The following SLC17A1 variants were observed in gnomAD, a reference collection of about 807,000 sequenced individuals.
SLC17A1 encodes solute carrier family 17 member 1, also known as sodium-dependent phosphate transport protein 1.
A neutral mutation model predicts 53.5 loss-of-function variants in SLC17A1; 51 were observed. That is an observed-to-expected ratio of 0.95 (90% CI 0.76 to 1.20). The LOEUF is 1.20. Among genes scored for constraint, SLC17A1 ranks in the 50% most tolerant of loss-of-function variants. SLC17A1 has a pLI of 0.00. For synonymous variants in SLC17A1, 179 were observed against 198.8 expected, an observed-to-expected ratio of 0.90 and a Z score of 0.84; for missense variants, 538 against 568.2, an observed-to-expected ratio of 0.95 and a Z score of 0.54.
chr6:25,818,072 T>C (rs1252915352), intron 6 of SLC17A1, among the ~76,000 whole-genome samples: 1 of 152,200 alleles, frequency 6.6e-6, no homozygotes, highest in East Asian at 1.9e-4. Context: ...CACCTTACTT[T>C]GGCTACAGAT....
intron 10 of SLC17A1, among the ~76,000 whole-genome samples, chr6:25,810,449 C>T (rs969374967): frequency 1.3e-5 from 2 of 151,924 alleles, no homozygotes; most frequent in Admixed American, 6.6e-5. Flanking sequence ...GGCAAAGGAC[C>T]TGAATAGACA....
chr6:25,812,112 T>C (rs891283359), intron 8 of SLC17A1, among the ~76,000 whole-genome samples: 6 of 152,190 alleles, frequency 3.9e-5, no homozygotes, highest in African/African-American at 1.4e-4. Flanking sequence ...GACATGCGTA[T>C]GGTGCTTACA....
At chr6:25,744,439 G>A in the SLC17A1 span, among the ~76,000 whole-genome samples, 1 of 152,052 alleles carries the variant, frequency 6.6e-6, no homozygotes, top group South Asian at 2.1e-4. Context: ...TGCTGGAGCT[G>A]GCTCAAATGA....
intron 12 of SLC17A1, among the ~76,000 whole-genome samples, chr6:25,786,362 G>C (rs1264493215): frequency 6.6e-6 from 1 of 152,156 alleles, no homozygotes; most frequent in Non-Finnish European, 1.5e-5. Flanking sequence ...GAGGAATCTG[G>C]GAGTGAGGGG....
chr6:25,727,121 CTT>C, the SLC17A1 span: 1 of 1,614,228 alleles, frequency 6.2e-7, no homozygotes, highest in Non-Finnish European at 8.5e-7. Context: ...TCACTGATAT[CTT>C]TGAGCGTATA....
At chr6:25,785,779 T>C (rs989681076) in intron 12 of SLC17A1, among the ~76,000 whole-genome samples, 3 of 152,006 alleles carry the variant, frequency 2.0e-5, no homozygotes, top group Non-Finnish European at 2.9e-5. Flanking sequence ...CATAATGAGA[T>C]GCCACTTCAC....
At chr6:25,763,927 G>A in the SLC17A1 span, among the ~76,000 whole-genome samples, 1 of 152,182 alleles carries the variant, frequency 6.6e-6, no homozygotes, top group Non-Finnish European at 1.5e-5. Flanking sequence ...TTTCTGAGAA[G>A]AAAGAAGATT....
At chr6:25,762,965 C>G in the SLC17A1 span, among the ~76,000 whole-genome samples, 3 of 152,146 alleles carry the variant, frequency 2.0e-5, no homozygotes, top group African/African-American at 7.2e-5. Flanking sequence ...TAAAATTTTA[C>G]CAAGGTGCAG....
At chr6:25,770,996 C>A in the SLC17A1 span, 2 of 1,613,618 alleles carry the variant, frequency 1.2e-6, no homozygotes, top group Non-Finnish European at 8.5e-7. Flanking sequence ...GATGGCCTTA[C>A]GTCTTCTATA....
chr6:25,771,699 C>T, the SLC17A1 span, among the ~76,000 whole-genome samples: 1 of 152,034 alleles, frequency 6.6e-6, no homozygotes, highest in Non-Finnish European at 1.5e-5. Context: ...GCTTTTGCAC[C>T]AATCTAATAT....
chr6:25,815,470 G>A lies in SLC17A1; in HGVS notation c.617-2257C>T, dbSNP rs571657494. 1.5e-3 allele frequency among the ~76,000 whole-genome samples: 235 copies of A among 152,058 alleles called. 1 individual carries two copies. The highest frequency in any genetic ancestry group is 5.2e-3 in the Admixed American group (80 of 15,292). On this transcript the variant is annotated intron_variant, in intron 6 of 12. Coordinates refer to ENST00000244527, the MANE Select transcript of SLC17A1 (RefSeq NM_005074.5). ...TGAAGTACTATTTTTTGTTTTCTGA[G>A]ACGAATTACTATTTTTTAAAGCTTT...
intron 10 of SLC17A1, among the ~76,000 whole-genome samples, chr6:25,807,672 T>A (rs1331661653): frequency 6.6e-6 from 1 of 151,976 alleles, no homozygotes; most frequent in Admixed American, 6.6e-5. Context: ...TATGTCCTCA[T>A]TGTTTAGCTC....
chr6:25,724,985 G>A, the SLC17A1 span, among the ~76,000 whole-genome samples: 1,437 of 123,794 alleles, frequency 0.012, 20 homozygotes, highest in African/African-American at 0.039. Context: ...TAGACATCAA[G>A]TGTTTAGCAG....
chr6:25,816,972 C>T (rs577786518), intron 6 of SLC17A1, among the ~76,000 whole-genome samples: 62 of 151,992 alleles, frequency 4.1e-4, no homozygotes, highest in Admixed American at 1.4e-3. Context: ...CTCAGCCTTC[C>T]GAGTAGCTGG....
chr6:25,812,799 A>T, intron 8 of SLC17A1, 32 bp downstream of exon 8: 1 of 1,527,864 alleles, frequency 6.5e-7, no homozygotes, highest in Non-Finnish European at 9.0e-7. Flanking sequence ...GTCTTTCGTG[A>T]AGTTAAAAAA....
chr6:25,795,309 AT>A (rs1763581085), intron 12 of SLC17A1, among the ~76,000 whole-genome samples: 1 of 152,236 alleles, frequency 6.6e-6, no homozygotes, highest in Admixed American at 6.5e-5. Flanking sequence ...AAGAAAAATA[AT>A]TAGAAACATT....
At chr6:25,738,948 G>C in the SLC17A1 span, among the ~76,000 whole-genome samples, 1 of 152,072 alleles carries the variant, frequency 6.6e-6, no homozygotes, top group African/African-American at 2.4e-5. Flanking sequence ...CTATAAAATG[G>C]TACAGATCAC....
the SLC17A1 span, chr6:25,773,527 C>T: frequency 6.2e-7 from 1 of 1,613,876 alleles, no homozygotes. Context: ...GTTCACCAGG[C>T]TGGTCTCTTC....
chr6:25,821,125 G>A (rs1454260038), intron 3 of SLC17A1, among the ~76,000 whole-genome samples: 2 of 152,030 alleles, frequency 1.3e-5, no homozygotes, highest in Non-Finnish European at 2.9e-5. Context: ...ATTAAATAAC[G>A]AAGAGTTTCC....
Sources: allele counts gnomAD v4.1 joint callset (sites outside exome capture counted in the v4.1 genomes callset), GRCh38; gene constraint gnomAD v4.1.1; transcripts MANE v1.5; gene names NCBI Gene and HGNC (gene_info 2026-07-23, HGNC 2026-07-21).